The following SLC6A19 variants were observed in gnomAD, a reference collection of about 807,000 sequenced individuals.
SLC6A19 encodes the protein sodium-dependent neutral amino acid transporter B(0)AT1.
Under a neutral mutation model 68.3 loss-of-function variants are expected in SLC6A19, and 67 were observed. The observed-to-expected ratio is 0.98, with a 90% CI of 0.81 to 1.20. The LOEUF (loss-of-function observed/expected upper bound fraction) is 1.20, where lower values mean the gene tolerates loss of function less well. SLC6A19 is among the 50% of genes most tolerant of loss of function. The probability of loss-of-function intolerance (pLI) is 0.00; values close to 1 mark genes in which losing one functional copy is unlikely to be tolerated. For missense variants in SLC6A19, 813 were observed against 851.6 expected (o/e 0.95, Z 0.56); for synonymous variants, 392 against 374.9 (o/e 1.05, Z -0.53).
chr5:1,207,484 T>C (rs1024889152), intron 1 of SLC6A19, among the ~76,000 whole-genome samples: 1 of 152,216 alleles, frequency 6.6e-6, no homozygotes. Context: ...CTTTTCAGCT[T>C]TGGTTTTTTA....
chr5:1,220,074 C>T (rs530297057), intron 10 of SLC6A19, among the ~76,000 whole-genome samples: 1 of 152,170 alleles, frequency 6.6e-6, no homozygotes, highest in African/African-American at 2.4e-5. Flanking sequence ...GTGGTAGAGC[C>T]TCAGACAGGG....
intron 11 of SLC6A19, 129 bp downstream of exon 11, chr5:1,221,442 C>A: frequency 8.1e-7 from 1 of 1,238,526 alleles, no homozygotes; most frequent in Non-Finnish European, 1.1e-6. Flanking sequence ...CACACTCACA[C>A]TCAGGTGCAG....
intron 8 of SLC6A19, among the ~76,000 whole-genome samples, chr5:1,217,432 G>A (rs977946682): frequency 5.3e-5 from 8 of 152,238 alleles, no homozygotes; most frequent in Admixed American, 4.6e-4. Context: ...CACAGTTAAC[G>A]AAGTTTAGAT....
At chr5:1,217,040 CAGATGCTGAG>C in intron 8 of SLC6A19, 95 bp downstream of exon 8, 1 of 1,585,896 alleles carries the variant, frequency 6.3e-7, no homozygotes, top group South Asian at 1.1e-5. Context: ...GTGGAGGACG[CAGATGCTGAG>C]CTTCAGCCGG....
Position 1,206,239 on chromosome 5 carries a change from TTC to T in SLC6A19, c.203-2492_203-2491del, listed in dbSNP as rs543532535. Among the ~76,000 whole-genome samples the T allele has an allele frequency of 7.9e-5, 12 of 151,518 alleles. No homozygotes were observed. The South Asian group carries it at 1.3e-3, about 16-fold the overall frequency. On this transcript the variant is annotated intron_variant, in intron 1 of 11. Coordinates refer to ENST00000304460, the MANE Select transcript of SLC6A19 (RefSeq NM_001003841.3). Reference sequence around the variant, plus strand: ...ACCTGGCTTCTCCCTCCCTCCCTCCTTCTCTCTCTCTCTCTCCATCGCCCTGT... The same window carrying T: ...ACCTGGCTTCTCCCTCCCTCCCTCCTTCTCTCTCTCTCTCCATCGCCCTGT...
In SLC6A19 at chr5:1,215,822, G is replaced by A. The variant is rs755165360; in HGVS notation, c.888-736G>A. 9.2e-5 allele frequency among the ~76,000 whole-genome samples: 14 copies of A among 152,114 alleles called. 1 individual carries two copies. The highest frequency in any genetic ancestry group is 1.6e-4 in the Non-Finnish European group (11 of 68,026). On this transcript the variant is annotated intron_variant, in intron 6 of 11. Coordinates refer to ENST00000304460, the MANE Select transcript of SLC6A19 (RefSeq NM_001003841.3). The surrounding 1 kb of genome is among the most constrained non-coding windows in gnomAD (Gnocchi z 5.1). ...GAGGAGCTGTCAGGCTGTTTTCCAC[G>A]GTGGCTGCACCACTCACGTTCCCAC...
intron 1 of SLC6A19, among the ~76,000 whole-genome samples, chr5:1,206,460 G>A (rs1360088215): frequency 7.3e-6 from 1 of 137,536 alleles, no homozygotes; most frequent in Non-Finnish European, 1.7e-5. Context: ...CACATGTGCT[G>A]TGCCATCCCC....
At chr5:1,202,833 C>G (rs1235961912) in intron 1 of SLC6A19, among the ~76,000 whole-genome samples, 1 of 152,228 alleles carries the variant, frequency 6.6e-6, no homozygotes, top group Non-Finnish European at 1.5e-5. Flanking sequence ...TGGGCTTTTC[C>G]TGAATCAGTT....
At chr5:1,210,724 C>T (rs999974326) in intron 3 of SLC6A19, 143 bp downstream of exon 3, 24 of 1,258,826 alleles carry the variant, frequency 1.9e-5, no homozygotes, top group Middle Eastern at 2.4e-4. Flanking sequence ...AATGACAGCA[C>T]GAAAGAAAAG....
At chr5:1,221,436 C>T in intron 11 of SLC6A19, 123 bp downstream of exon 11, 2 of 1,276,992 alleles carry the variant, frequency 1.6e-6, no homozygotes, top group Non-Finnish European at 1.1e-6. Context: ...GGCACACACA[C>T]TCACACTCAG....
rs121434347 is a variant in SLC6A19 at position 1,213,517 on chromosome 5, C to T, written c.718C>T (p.Arg240Ter). 50 of 1,610,318 alleles carry T rather than the reference C, an allele frequency of 3.1e-5. No homozygotes were observed. The highest frequency in any genetic ancestry group is 3.3e-4 in the Middle Eastern group (2 of 6,076). ...PYVVLTIFLI[R>*]GLTLKGATNG... ...TGTCGTCCTGACCATCTTCCTCATCCGAGGCCTGACGCTGAAGGGCGCCAC... is the reference window on the plus strand; with the variant it reads ...TGTCGTCCTGACCATCTTCCTCATCTGAGGCCTGACGCTGAAGGGCGCCAC... The change falls in exon 5 of 12, where the codon CGA becomes TGA. Residue 240 changes from arginine to a stop codon, truncating the protein, a stop_gained. Transcript: ENST00000304460. LOFTEE classifies it high-confidence loss of function.
At position 1,222,110 on chromosome 5, in the gene SLC6A19, C is replaced by G; in HGVS notation, c.*206C>G. 1.6e-6 allele frequency: 1 copy of G among 622,088 alleles called. No individual in the cohort carries two copies. The highest frequency in any genetic ancestry group is 2.8e-6 in the Non-Finnish European group (1 of 352,504). The allele number at this position is 622,088 out of a possible 1,614,324, so 38.5% of individuals were successfully genotyped here. A position where few individuals can be genotyped will look rare whatever the true frequency, so the allele number is the denominator to read the frequency against. ...CATGCATGGGCACTGTGTGAGTGTGCACGTGTATGCACACATATACATGTG... is the reference window on the plus strand; with the variant it reads ...CATGCATGGGCACTGTGTGAGTGTGGACGTGTATGCACACATATACATGTG... On this transcript the variant is annotated 3_prime_UTR_variant, in exon 12 of 12. Transcript: ENST00000304460.
intron 10 of SLC6A19, among the ~76,000 whole-genome samples, chr5:1,220,427 A>G (rs1746343301): frequency 6.7e-6 from 1 of 148,386 alleles, no homozygotes. Flanking sequence ...AAAAAAAAAA[A>G]GAGGAAGAAA....
intron 1 of SLC6A19, among the ~76,000 whole-genome samples, chr5:1,204,040 C>G (rs1429394332): frequency 2.0e-5 from 3 of 152,200 alleles, no homozygotes; most frequent in Non-Finnish European, 4.4e-5. Flanking sequence ...AGCGCACTCT[C>G]TCTCTGTGCA....
In SLC6A19 at chr5:1,219,495, C is replaced by T. The variant is rs201189480; in HGVS notation, c.1379-10C>T. 20 of 1,610,064 alleles carry T rather than the reference C, an allele frequency of 1.2e-5. No individual in the cohort carries two copies. Among genetic ancestry groups the T allele is most frequent in the East Asian group, 4.5e-5 (2 of 44,870 alleles). On this transcript the variant is annotated splice_polypyrimidine_tract_variant and intron_variant, in intron 9 of 11. Coordinates refer to ENST00000304460, the MANE Select transcript of SLC6A19 (RefSeq NM_001003841.3). ...TGGGCGTGTGAGCAGCTCTGTCCCC[C>T]GGCCTGCAGGCCTCATCTGCCTGGG...
rs1280831642 is a variant in SLC6A19 at position 1,223,575 on chromosome 5, C to T, written c.*1671C>T. Reference sequence around the variant, plus strand: ...ATCTGCTTCCACGGACAGGTCACCTCCGCTTTGCACGGAAGAATCTGGATG... The same window carrying T: ...ATCTGCTTCCACGGACAGGTCACCTTCGCTTTGCACGGAAGAATCTGGATG... On this transcript the variant is annotated 3_prime_UTR_variant, in exon 12 of 12. Coordinates refer to ENST00000304460, the MANE Select transcript of SLC6A19 (RefSeq NM_001003841.3). The T allele has an allele frequency of 7.3e-6, 1 of 137,264 alleles. No individual in the cohort carries two copies. The highest frequency in any genetic ancestry group is 2.2e-4 in the East Asian group (1 of 4,634). 8.5% of individuals were successfully genotyped at this position (137,264 alleles called of 1,614,324 possible).
rs1746371681 is a variant in SLC6A19, at chr5:1,221,224, A to G, written c.1612A>G (p.Ser538Gly). ...CTGGCAAGTCACGTGGCGCGTGGTC[A>G]GCCCCCTGCTCATGCTGATCATCTT... is the stretch of plus-strand genomic sequence containing the variant. Reference protein sequence around the residue: ...IFWQVTWRVVSPLLMLIIFLF... With the variant: ...IFWQVTWRVVGPLLMLIIFLF... The change falls in exon 11 of 12, where the codon AGC becomes GGC. Residue 538 changes from serine (S) to glycine (G), a missense_variant. Coordinates refer to ENST00000304460, the MANE Select transcript of SLC6A19 (RefSeq NM_001003841.3). The G allele has an allele frequency of 6.2e-7, 1 of 1,614,060 alleles. No homozygotes were observed. Among genetic ancestry groups the G allele is most frequent in the South Asian group, 1.1e-5 (1 of 91,096 alleles).
Position 1,221,340 on chromosome 5 carries a change from T to A in SLC6A19, c.1701+27T>A, listed in dbSNP as rs888150419. ...TAAGTGTCCAGGCAGTCGCCTGGGG[T>A]GGGGAGAGGAATGGGGAAGGGGAAA... On this transcript the variant is annotated intron_variant, in intron 11 of 11. Transcript: ENST00000304460. 47 of 1,609,986 alleles carry A rather than the reference T, an allele frequency of 2.9e-5. No homozygotes were observed. In the East Asian group the frequency reaches 1.0e-3, roughly 36 times the overall value.
intron 8 of SLC6A19, 62 bp from the exon 9 acceptor site, chr5:1,218,841 G>A (rs1746277860): frequency 1.9e-6 from 3 of 1,577,652 alleles, no homozygotes; most frequent in South Asian, 1.1e-5. Context: ...GAGACCTCGG[G>A]CGGGGAGGAG....
Sources: allele counts gnomAD v4.1 joint callset (sites outside exome capture counted in the v4.1 genomes callset), GRCh38; gene constraint gnomAD v4.1.1; non-coding constraint Gnocchi (gnomAD v3.1); transcripts MANE v1.5; gene names NCBI Gene and HGNC (gene_info 2026-07-23, HGNC 2026-07-21).